Variants in BMPR2 observed in about 807,000 individuals in gnomAD.
BMPR2 encodes the protein bone morphogenetic protein receptor type 2, also known as bone morphogenetic protein receptor type-2.
In BMPR2, 29 loss-of-function variants were observed where a neutral mutation model predicts 100.8. The ratio of observed to expected loss-of-function variants is 0.29; its 90% CI spans 0.21 to 0.39. The LOEUF (loss-of-function observed/expected upper bound fraction) is 0.39, where lower values mean the gene tolerates loss of function less well. Among genes scored for constraint, BMPR2 ranks in the 10% least tolerant of loss-of-function variants. The pLI is 1.00. For synonymous variants in BMPR2, 382 were observed against 442.3 expected (o/e 0.86, Z 1.71); for missense variants, 1,011 against 1,274.5 (o/e 0.79, Z 3.15).
chr2:202,474,260 C>A (rs1692493444), intron 3 of BMPR2, among the ~76,000 whole-genome samples: 1 of 151,956 alleles, frequency 6.6e-6, no homozygotes, highest in South Asian at 2.1e-4. Context: ...TCGAGACCAG[C>A]CTGGCCTATA....
chr2:202,394,219 G>A (rs1290190235), intron 1 of BMPR2, among the ~76,000 whole-genome samples: 2 of 152,054 alleles, frequency 1.3e-5, no homozygotes, highest in African/African-American at 2.4e-5. Context: ...GGGCATGGCG[G>A]CAGGAACCTG....
chr2:202,389,526 CAAAAAAAAA>C (rs781745252), intron 1 of BMPR2, among the ~76,000 whole-genome samples: 2 of 56,614 alleles, frequency 3.5e-5, no homozygotes, highest in South Asian at 5.6e-4. Flanking sequence ...GATTCCATCT[CAAAAAAAAA>C]AAAAAAAAAA....
chr2:202,458,349 G>T (rs190684157), intron 1 of BMPR2, among the ~76,000 whole-genome samples: 1 of 150,734 alleles, frequency 6.6e-6, no homozygotes, highest in Admixed American at 6.6e-5. Context: ...ATGTGCTTGT[G>T]GTCCCAGCTA....
intron 10 of BMPR2, among the ~76,000 whole-genome samples, chr2:202,546,553 C>T (rs900837134): frequency 6.6e-6 from 1 of 152,122 alleles, no homozygotes; most frequent in African/African-American, 2.4e-5. Context: ...TCAGAATTTA[C>T]AGTAAAAATG....
chr2:202,456,240 C>T (rs1040180349), intron 1 of BMPR2, among the ~76,000 whole-genome samples: 1 of 151,504 alleles, frequency 6.6e-6, no homozygotes, highest in Non-Finnish European at 1.5e-5. Context: ...GGCTCAATCT[C>T]GGCTCACTGC....
intron 1 of BMPR2, among the ~76,000 whole-genome samples, chr2:202,410,980 A>G (rs755339322): frequency 6.6e-6 from 1 of 152,168 alleles, no homozygotes; most frequent in East Asian, 1.9e-4. Flanking sequence ...TTGTTTTTAC[A>G]GTAGAATTTC....
intron 3 of BMPR2, among the ~76,000 whole-genome samples, chr2:202,506,027 G>A (rs185849182): frequency 2.0e-5 from 3 of 152,284 alleles, no homozygotes; most frequent in South Asian, 2.1e-4. Context: ...TGGGAAGTCC[G>A]TGTCCTTAAT....
chr2:202,555,254 A>T lies in BMPR2; in HGVS notation c.1589A>T (p.Asn530Ile), dbSNP rs965585845. Residue 530 changes from asparagine (N) to isoleucine (I), a missense_variant and splice_region_variant, in exon 12 of 13, where the codon AAC becomes ATC. Transcript: ENST00000374580. ...PMSTAMQNER[N>I]LSHNRRVPKI... ...GATACTTTTTTTCTTTCTTTAAGCA[A>T]CCTGTCACATAATAGGCGTGTGCCA... 1.2e-6 allele frequency: 2 copies of T among 1,613,672 alleles called. No individual in the cohort carries two copies. The highest frequency in any genetic ancestry group is 1.7e-6 in the Non-Finnish European group (2 of 1,179,728).
intron 10 of BMPR2, among the ~76,000 whole-genome samples, chr2:202,548,150 A>G (rs1167056842): frequency 1.3e-5 from 2 of 152,226 alleles, no homozygotes; most frequent in African/African-American, 2.4e-5. Flanking sequence ...TAAGAAATAT[A>G]TAGTACATTT....
intron 1 of BMPR2, among the ~76,000 whole-genome samples, chr2:202,439,600 C>G (rs1691690136): frequency 6.7e-6 from 1 of 149,480 alleles, no homozygotes; most frequent in African/African-American, 2.5e-5. Flanking sequence ...TACTTTTTGT[C>G]TCCTTTCCCT....
chr2:202,390,670 G>A (rs947680841), intron 1 of BMPR2, among the ~76,000 whole-genome samples: 1 of 151,916 alleles, frequency 6.6e-6, no homozygotes, highest in Admixed American at 6.6e-5. Context: ...CAAATACTAC[G>A]TAATATCATT....
At position 202,458,283 on chromosome 2, in the gene BMPR2, C is replaced by CAAAAAAAAAAAA. The variant is rs71035009; in HGVS notation, c.77-6512_77-6501dup. On this transcript the variant is annotated intron_variant, in intron 1 of 12. Coordinates refer to ENST00000374580, the MANE Select transcript of BMPR2 (RefSeq NM_001204.7). ...GCAACATAGCAAGACCTTGTCTCTG[C>CAAAAAAAAAAAA]AAAAAAAAAAAAAAAAAAAAAAAAA... Among the ~76,000 whole-genome samples, 17 of 52,306 alleles carry CAAAAAAAAAAAA rather than the reference C, an allele frequency of 3.3e-4. 2 individuals carry two copies. Among genetic ancestry groups the CAAAAAAAAAAAA allele is most frequent in the African/African-American group, 8.3e-4 (11 of 13,332 alleles). The allele number at this position is 52,306 out of a possible 152,430, so 34.3% of individuals were successfully genotyped here.
intron 9 of BMPR2, among the ~76,000 whole-genome samples, chr2:202,537,001 A>AGAG (rs1457373566): frequency 6.6e-6 from 1 of 152,114 alleles, no homozygotes; most frequent in African/African-American, 2.4e-5. Flanking sequence ...GGGCTCAAGC[A>AGAG]GTCCTCCTGC....
intron 3 of BMPR2, among the ~76,000 whole-genome samples, chr2:202,476,721 G>A (rs970017099): frequency 1.8e-4 from 28 of 152,204 alleles, no homozygotes; most frequent in African/African-American, 6.0e-4. Flanking sequence ...CCCGGGAGGC[G>A]GAAGTTGCAG....
chr2:202,488,667 A>C (rs561934797), intron 3 of BMPR2, among the ~76,000 whole-genome samples: 1 of 152,102 alleles, frequency 6.6e-6, no homozygotes. Context: ...TCCTGGCTTC[A>C]AGCAATCCTC....
At position 202,556,185 on chromosome 2, in the gene BMPR2, A is replaced by G. The variant is rs1446264392; in HGVS notation, c.2520A>G (p.Thr840=). The G allele has an allele frequency of 6.2e-7, 1 of 1,611,742 alleles. No homozygotes were observed. The highest frequency in any genetic ancestry group is 1.7e-5 in the Admixed American group (1 of 59,934). The stretch of plus-strand genomic sequence containing the variant: ...CTGGCCAAACAACCAACATAGTGAC[A>G]CATAGGGCCCAAGAAATGTTGCAGA... ...VLSGQTTNIV[T]HRAQEMLQNQ... The change falls in exon 12 of 13, where the codon ACA becomes ACG. Residue 840 remains threonine (T), a synonymous_variant. Transcript: ENST00000374580.
chr2:202,469,186 G>A (rs1163262618), intron 3 of BMPR2, among the ~76,000 whole-genome samples: 1 of 151,882 alleles, frequency 6.6e-6, no homozygotes, highest in East Asian at 1.9e-4. Flanking sequence ...GTGCCACCAC[G>A]CCCGGCTAAT....
intron 1 of BMPR2, among the ~76,000 whole-genome samples, chr2:202,386,030 C>A (rs1339291851): frequency 3.9e-5 from 6 of 152,008 alleles, no homozygotes; most frequent in African/African-American, 1.4e-4. Context: ...TTTTAAGATA[C>A]TATTCTCTCT....
chr2:202,413,384 A>T (rs1470192902), intron 1 of BMPR2, among the ~76,000 whole-genome samples: 1 of 152,218 alleles, frequency 6.6e-6, no homozygotes, highest in Non-Finnish European at 1.5e-5. Context: ...GGTAGCCAGG[A>T]GTTGAGTGTC....
Sources: allele counts gnomAD v4.1 joint callset (sites outside exome capture counted in the v4.1 genomes callset), GRCh38; gene constraint gnomAD v4.1.1; transcripts MANE v1.5; gene names NCBI Gene and HGNC (gene_info 2026-07-23, HGNC 2026-07-21).